The following VPS35L variants were observed in gnomAD, a reference collection of about 807,000 sequenced individuals.
The protein encoded by VPS35L is VPS35 endosomal protein sorting factor like, also known as VPS35 endosomal protein-sorting factor-like.
In VPS35L, 83 loss-of-function variants were observed where a neutral mutation model predicts 133.0. That is an observed-to-expected ratio of 0.62 (90% CI 0.52 to 0.75). VPS35L has a LOEUF of 0.75. Among genes scored for constraint, VPS35L ranks in the 30% least tolerant of loss-of-function variants. The pLI, the probability that VPS35L is intolerant of heterozygous loss-of-function variation, is 0.00. For synonymous variants in VPS35L, 423 were observed against 449.9 expected (o/e 0.94, Z 0.76); for missense variants, 1,083 against 1,206.8 (o/e 0.90, Z 1.52).
At chr16:19,636,605 G>T (rs1431894979) in intron 19 of VPS35L, among the ~76,000 whole-genome samples, 1 of 152,188 alleles carries the variant, frequency 6.6e-6, no homozygotes, top group Non-Finnish European at 1.5e-5. Context: ...GACTGACCTA[G>T]TAAGCTGCCT....
At chr16:19,580,159 G>T (rs1425182026) in intron 6 of VPS35L, among the ~76,000 whole-genome samples, 1 of 151,946 alleles carries the variant, frequency 6.6e-6, no homozygotes, top group Non-Finnish European at 1.5e-5. Context: ...TGTCACCCAG[G>T]CTGGAGTGCA....
At chr16:19,687,445 G>A (rs1020770449) in intron 28 of VPS35L, among the ~76,000 whole-genome samples, 1 of 152,230 alleles carries the variant, frequency 6.6e-6, no homozygotes, top group Non-Finnish European at 1.5e-5. Context: ...CCCCACTGGG[G>A]AGGTACAAGT....
intron 27 of VPS35L, among the ~76,000 whole-genome samples, chr16:19,673,721 C>G (rs1974953024): frequency 6.6e-6 from 1 of 152,172 alleles, no homozygotes. Flanking sequence ...TGCCCCATGC[C>G]TTGCTAACGC....
intron 29 of VPS35L, among the ~76,000 whole-genome samples, chr16:19,696,172 C>A (rs1046492519): frequency 6.6e-6 from 1 of 152,204 alleles, no homozygotes; most frequent in Non-Finnish European, 1.5e-5. Context: ...GCATAAGCCA[C>A]CGTGCCCGGC....
At chr16:19,686,760 T>C (rs1975475001) in intron 28 of VPS35L, among the ~76,000 whole-genome samples, 1 of 152,208 alleles carries the variant, frequency 6.6e-6, no homozygotes, top group Admixed American at 6.5e-5. Context: ...GACCACCAAG[T>C]GTCAGCATGG....
At chr16:19,655,867 C>T (rs529111733) in intron 26 of VPS35L, among the ~76,000 whole-genome samples, 2 of 152,306 alleles carry the variant, frequency 1.3e-5, no homozygotes, top group East Asian at 3.9e-4. Context: ...GTCAATGGCT[C>T]TTTCTAGAAA....
At chr16:19,628,245 T>G (rs925815706) in intron 16 of VPS35L, among the ~76,000 whole-genome samples, 1 of 152,068 alleles carries the variant, frequency 6.6e-6, no homozygotes, top group Non-Finnish European at 1.5e-5. Flanking sequence ...ATTCCTGTAG[T>G]CCCAGCTACT....
Position 19,595,508 on chromosome 16 carries a change from C to T in VPS35L, c.724+3634C>T, listed in dbSNP as rs182140904. Among the ~76,000 whole-genome samples the T allele has an allele frequency of 7.2e-5, 11 of 152,236 alleles. No homozygotes were observed. In the East Asian group the frequency reaches 1.7e-3, roughly 24 times the overall value. On this transcript the variant is annotated intron_variant, in intron 8 of 30. Coordinates refer to ENST00000417362, the MANE Select transcript of VPS35L (RefSeq NM_020314.7). Reference sequence around the variant, plus strand: ...GCTCCCCTGGCAGTCTCATTCCTCCCGTGAATTAACCTCTTGGCCGTCTGG... The same window carrying T: ...GCTCCCCTGGCAGTCTCATTCCTCCTGTGAATTAACCTCTTGGCCGTCTGG...
Position 19,700,673 on chromosome 16 carries a change from G to A in VPS35L, c.*197G>A. The A allele has an allele frequency of 1.8e-6, 1 of 561,222 alleles. No individual in the cohort carries two copies. The highest frequency in any genetic ancestry group is 2.6e-5 in the South Asian group (1 of 38,680). The allele number at this position is 561,222 out of a possible 1,614,324, so 34.8% of individuals were successfully genotyped here. ...ATGGGAGTTGTCAGAGCATTAAAAT[G>A]CAATCTTCACTAAGAAGCAGTCTCT... On this transcript the variant is annotated 3_prime_UTR_variant, in exon 31 of 31. Transcript: ENST00000417362.
chr16:19,615,975 A>AATAATAATG lies in VPS35L; in HGVS notation c.1024-131_1024-130insGATAATAAT, dbSNP rs1972878044. 3 of 322,640 alleles carry AATAATAATG rather than the reference A, an allele frequency of 9.3e-6. No homozygotes were observed. In the Admixed American group the frequency reaches 1.6e-4, roughly 17 times the overall value. 20.0% of individuals were successfully genotyped at this position (322,640 alleles called of 1,614,324 possible). A position where few individuals can be genotyped will look rare whatever the true frequency, so the allele number is the denominator to read the frequency against. On this transcript the variant is annotated intron_variant, in intron 12 of 30. Transcript: ENST00000417362. ...GAGCGAGACTCCATCTCAAAATAAT[A>AATAATAATG]ATAATAATAATAATAATAATAATTT... is the stretch of plus-strand genomic sequence containing the variant.
chr16:19,630,434 C>T (rs557648783), intron 18 of VPS35L, among the ~76,000 whole-genome samples: 2 of 149,970 alleles, frequency 1.3e-5, no homozygotes, highest in Middle Eastern at 3.4e-3. Context: ...CCCGGGTTCA[C>T]GCCATTCTCC....
intron 29 of VPS35L, among the ~76,000 whole-genome samples, chr16:19,697,067 G>A (rs573348232): frequency 3.0e-4 from 46 of 152,142 alleles, no homozygotes; most frequent in African/African-American, 1.0e-3. Context: ...GCAGGTGGTC[G>A]CCAGCCAGTT....
chr16:19,675,777 T>G (rs1181040265), intron 27 of VPS35L, among the ~76,000 whole-genome samples: 1 of 150,832 alleles, frequency 6.6e-6, no homozygotes, highest in Non-Finnish European at 1.5e-5. Context: ...CTCAAACTCC[T>G]GACCTCAGGT....
Position 19,669,000 on chromosome 16 carries a change from A to G in VPS35L, c.2222-160A>G, listed in dbSNP as rs1974785496. 3.9e-5 allele frequency among the ~76,000 whole-genome samples: 6 copies of G among 152,228 alleles called. No individual in the cohort carries two copies. In the South Asian group the frequency reaches 1.2e-3, roughly 31 times the overall value. On this transcript the variant is annotated intron_variant, in intron 26 of 30. Coordinates refer to ENST00000417362, the MANE Select transcript of VPS35L (RefSeq NM_020314.7). ...TGCCCTGTCAAGCAAATATTCCTCC[A>G]GCTCCATCATGGTTTGCAGAAACCT...
intron 27 of VPS35L, among the ~76,000 whole-genome samples, chr16:19,675,137 G>A (rs145086860): frequency 2.0e-5 from 3 of 151,990 alleles, no homozygotes; most frequent in African/African-American, 2.4e-5. Context: ...GTTTTGTGGC[G>A]ACAAGGTCTC....
At chr16:19,585,865 A>G (rs1971847621) in intron 7 of VPS35L, among the ~76,000 whole-genome samples, 1 of 152,110 alleles carries the variant, frequency 6.6e-6, no homozygotes, top group Admixed American at 6.5e-5. Context: ...ATGCCTGCCC[A>G]TTTAAAAATT....
rs768009910 is a variant in VPS35L, at chr16:19,651,969, C to T, written c.2107-7C>T. ...TGCTAGCGTTAATGTTTCTTCCCTT[C>T]TCCTAGGCCTGTGTTGCCTACTGCT... On this transcript the variant is annotated splice_polypyrimidine_tract_variant and splice_region_variant and intron_variant, in intron 25 of 30. Transcript: ENST00000417362. The T allele has an allele frequency of 6.3e-7, 1 of 1,577,372 alleles. No individual in the cohort carries two copies. The highest frequency in any genetic ancestry group is 1.1e-5 in the South Asian group (1 of 89,750).
At position 19,679,327 on chromosome 16, in the gene VPS35L, C is replaced by T. The variant is rs1007930897; in HGVS notation, c.2362-2898C>T. ...TTTTTTTCTTTTTGTAAGATGGTCT[C>T]ACTCTGTCACCCAGGCTGGAGTGCA... On this transcript the variant is annotated intron_variant, in intron 27 of 30. Coordinates refer to ENST00000417362, the MANE Select transcript of VPS35L (RefSeq NM_020314.7). 2.6e-5 allele frequency among the ~76,000 whole-genome samples: 4 copies of T among 151,360 alleles called. No individual in the cohort carries two copies. The East Asian group carries it at 5.8e-4, about 22-fold the overall frequency.
intron 1 of VPS35L, among the ~76,000 whole-genome samples, chr16:19,563,274 A>T (rs910749205): frequency 8.6e-5 from 13 of 151,346 alleles, no homozygotes; most frequent in African/African-American, 3.1e-4. Context: ...GTTTAAGACC[A>T]GCCTGGGCAA....
Sources: allele counts gnomAD v4.1 joint callset (sites outside exome capture counted in the v4.1 genomes callset), GRCh38; gene constraint gnomAD v4.1.1; transcripts MANE v1.5; gene names NCBI Gene and HGNC (gene_info 2026-07-23, HGNC 2026-07-21).